Variants in IL7 observed in about 807,000 individuals in gnomAD.
The protein encoded by IL7 is interleukin 7.
Under a neutral mutation model 21.6 loss-of-function variants are expected in IL7, and 3 were observed. That is an observed-to-expected ratio of 0.14 (90% CI 0.06 to 0.36). IL7 has a LOEUF of 0.36. Among genes scored for constraint, IL7 ranks in the 10% least tolerant of loss-of-function variants. The probability of loss-of-function intolerance (pLI) is 1.00; values close to 1 mark genes in which losing one functional copy is unlikely to be tolerated. For missense variants in IL7, 175 were observed against 200.2 expected (o/e 0.87, Z 0.76); for synonymous variants, 62 against 68.1 (o/e 0.91, Z 0.44).
intron 2 of IL7, among the ~76,000 whole-genome samples, chr8:78,785,475 G>A (rs1367567578): frequency 1.3e-5 from 2 of 152,126 alleles, no homozygotes; most frequent in Non-Finnish European, 2.9e-5. Flanking sequence ...ATCTAAAATG[G>A]AGGGAGTGCA....
intron 3 of IL7, among the ~76,000 whole-genome samples, chr8:78,727,650 CA>C (rs1427289054): frequency 3.3e-5 from 5 of 151,866 alleles, no homozygotes; most frequent in Non-Finnish European, 7.4e-5. Flanking sequence ...AATATGTATC[CA>C]AACCTTCTGA....
At chr8:78,738,759 T>C in intron 3 of IL7, 124 bp from the exon 4 acceptor site, 1 of 748,682 alleles carries the variant, frequency 1.3e-6, no homozygotes, top group African/African-American at 1.8e-5. Flanking sequence ...ACCCCAGCTT[T>C]CTATTCCAGT....
intron 3 of IL7, among the ~76,000 whole-genome samples, chr8:78,693,627 T>C (rs2130523428): frequency 6.6e-6 from 1 of 152,332 alleles, no homozygotes; most frequent in East Asian, 1.9e-4. Flanking sequence ...AGATTCTGGA[T>C]ATTAGCCCTT....
chr8:78,794,974 T>G (rs1011753795), intron 2 of IL7, among the ~76,000 whole-genome samples: 14 of 152,102 alleles, frequency 9.2e-5, no homozygotes, highest in Admixed American at 9.2e-4. Flanking sequence ...GTTTGCTGAT[T>G]GAATAAACTA....
chr8:78,688,666 G>A (rs934684431), intron 3 of IL7, among the ~76,000 whole-genome samples: 1 of 152,024 alleles, frequency 6.6e-6, no homozygotes, highest in Non-Finnish European at 1.5e-5. Flanking sequence ...AACATTTGCT[G>A]TTTCTTAAAT....
chr8:78,778,609 T>G (rs1813210708), intron 2 of IL7, among the ~76,000 whole-genome samples: 1 of 152,176 alleles, frequency 6.6e-6, no homozygotes, highest in African/African-American at 2.4e-5. Context: ...ACGTGTCTGT[T>G]TTTGTATGAG....
At chr8:78,739,691 CAA>C (rs1218578846) in intron 3 of IL7, among the ~76,000 whole-genome samples, 2 of 97,188 alleles carry the variant, frequency 2.1e-5, no homozygotes, top group Non-Finnish European at 4.3e-5. Flanking sequence ...ACTCTGCCTC[CAA>C]AAAAAAAAAC....
intron 3 of IL7, among the ~76,000 whole-genome samples, chr8:78,725,833 C>A (rs1811330940): frequency 6.6e-6 from 1 of 151,882 alleles, no homozygotes; most frequent in Non-Finnish European, 1.5e-5. Context: ...ATTTAATAGG[C>A]CTCAGTAAAT....
downstream of IL7, among the ~76,000 whole-genome samples, chr8:78,730,601 A>G (rs1811407748): frequency 6.6e-6 from 1 of 151,958 alleles, no homozygotes; most frequent in African/African-American, 2.4e-5. Context: ...CCCATCTTTA[A>G]GTAAATTATT....
chr8:78,741,813 T>A (rs1021895635), intron 2 of IL7, among the ~76,000 whole-genome samples: 1 of 152,212 alleles, frequency 6.6e-6, no homozygotes, highest in African/African-American at 2.4e-5. Context: ...AATATAGATC[T>A]ATATGATTGC....
At chr8:78,688,060 C>T (rs553247946) in intron 3 of IL7, among the ~76,000 whole-genome samples, 9 of 150,242 alleles carry the variant, frequency 6.0e-5, no homozygotes, top group Non-Finnish European at 8.9e-5. Context: ...AACAGGCAGG[C>T]TGGATTTGGC....
intron 4 of IL7, among the ~76,000 whole-genome samples, chr8:78,681,796 A>C (rs1809791609): frequency 6.6e-6 from 1 of 151,808 alleles, no homozygotes; most frequent in Admixed American, 6.6e-5. Context: ...TAATTATTAA[A>C]TTTATTGGCA....
At chr8:78,799,613 C>A (rs2130848163) in intron 1 of IL7, among the ~76,000 whole-genome samples, 1 of 151,886 alleles carries the variant, frequency 6.6e-6, no homozygotes, top group Middle Eastern at 3.4e-3. Context: ...AGTTGAGTAC[C>A]TACCATGTGT....
chr8:78,696,324 G>A (rs190779568), intron 3 of IL7, among the ~76,000 whole-genome samples: 246 of 152,240 alleles, frequency 1.6e-3, no homozygotes, highest in African/African-American at 5.4e-3. Context: ...ATGAGCCACC[G>A]TGCCCAGCCC....
At chr8:78,677,193 GA>G (rs1809608804) in intron 4 of IL7, among the ~76,000 whole-genome samples, 2 of 151,876 alleles carry the variant, frequency 1.3e-5, no homozygotes, top group Non-Finnish European at 2.9e-5. Flanking sequence ...AAATACAAAA[GA>G]AAAAAGAGTA....
chr8:78,770,591 T>C (rs148261463), intron 2 of IL7, among the ~76,000 whole-genome samples: 145 of 152,214 alleles, frequency 9.5e-4, no homozygotes, highest in Middle Eastern at 3.4e-3. Flanking sequence ...GAAACACTTA[T>C]TATTTATAGA....
chr8:78,775,062 T>A (rs1245315288), intron 2 of IL7, among the ~76,000 whole-genome samples: 1 of 152,150 alleles, frequency 6.6e-6, no homozygotes, highest in Non-Finnish European at 1.5e-5. Flanking sequence ...TTACATTTAT[T>A]TTTCTGGAGG....
At chr8:78,762,309 T>A in intron 2 of IL7, 1 of 1,600,766 alleles carries the variant, frequency 6.2e-7, no homozygotes, top group Non-Finnish European at 8.6e-7. Flanking sequence ...AAGTCTGCTC[T>A]CCTACAGTTC....
At chr8:78,786,814 C>T (rs112136215) in intron 2 of IL7, among the ~76,000 whole-genome samples, 1,880 of 152,228 alleles carry the variant, frequency 0.012, 29 homozygotes, top group African/African-American at 0.043. Flanking sequence ...CCCTAGGCAG[C>T]CCCCAGCTCC....
Sources: allele counts gnomAD v4.1 joint callset (sites outside exome capture counted in the v4.1 genomes callset), GRCh38; gene constraint gnomAD v4.1.1; transcripts MANE v1.5; gene names NCBI Gene and HGNC (gene_info 2026-07-23, HGNC 2026-07-21).